The following TTN variants were observed in gnomAD, a reference collection of about 807,000 sequenced individuals.
TTN encodes the protein titin, also known as connectin.
TTN carries 1,525 observed loss-of-function variants against 3,223.0 expected under a neutral mutation model. That is an observed-to-expected ratio of 0.47 (90% CI 0.45 to 0.49). The LOEUF is 0.49. Among genes scored for constraint, TTN ranks in the 20% least tolerant of loss-of-function variants. TTN has a pLI of 0.00. For missense variants in TTN, 40,786 were observed against 43,424.0 expected (o/e 0.94, Z 5.40); for synonymous variants, 14,094 against 15,161.0 (o/e 0.93, Z 5.17).
Position 178,612,558 on chromosome 2 carries a change from C to T in TTN, c.49967G>A (p.Arg16656His), listed in dbSNP as rs373799076. The T allele has an allele frequency of 3.0e-5, 49 of 1,609,470 alleles. No individual in the cohort carries two copies. The highest frequency in any genetic ancestry group is 4.5e-5 in the East Asian group (2 of 44,468). The change falls in exon 266 of 363, where the codon CGC becomes CAC. Residue 16656 changes from arginine (R) to histidine (H), a missense_variant. By Grantham distance (29) the Arg-to-His change is conservative. Transcript: ENST00000589042. ...TGTGATATTAATAACTTCAAGCCAG[C>T]GTGGTGGTGATGGAGGATCTGAAAA... ...REKLYPPSPP[R>H]WLEVINITKN...
intron 273 of TTN, 87 bp downstream of exon 273, chr2:178,609,121 C>T: frequency 7.2e-7 from 1 of 1,387,538 alleles, no homozygotes. Flanking sequence ...AGCTATGTCC[C>T]ATTTCTTTTA....
Position 178,683,280 on chromosome 2 carries a change from T to C in TTN, c.32818A>G (p.Arg10940Gly), listed in dbSNP as rs1334856461. The stretch of plus-strand genomic sequence containing the variant: ...TTTTCTTCTTTAACCACTCTTTTTC[T>C]GAATTCAGTCACTTTAAAGGAGTAA... ...EEPPAKVTEF[R>G]KRVVKEEKVS... The change falls in exon 134 of 363, where the codon AGA (arginine) becomes GGA (glycine). Residue 10940 changes from arginine (R) to glycine (G), a missense_variant. Arg to Gly is a moderately radical substitution (Grantham distance 125). Coordinates refer to ENST00000589042, the MANE Select transcript of TTN (RefSeq NM_001267550.2). 2 of 1,538,788 alleles carry C rather than the reference T, an allele frequency of 1.3e-6. No homozygotes were observed. Among genetic ancestry groups the C allele is most frequent in the Non-Finnish European group, 1.8e-6 (2 of 1,136,774 alleles).
chr2:178,590,557 A>G lies in TTN; in HGVS notation c.61168T>C (p.Leu20390=), dbSNP rs749827412. Residue 20390 remains leucine (L), a synonymous_variant, in exon 304 of 363, where the codon TTG becomes CTG. Transcript: ENST00000589042. ...TCACTGAGAGGCTTTGTCCACACCA[A>G]ATCAGCTGTTTCTCTGCTCTTGTCT... ...LKDKSRETAD[L]VWTKPLSDGG... is the part of the protein sequence containing the mutation. 3 of 1,612,550 alleles carry G rather than the reference A, an allele frequency of 1.9e-6. No individual in the cohort carries two copies. Among genetic ancestry groups the G allele is most frequent in the South Asian group, 1.1e-5 (1 of 90,854 alleles).
intron 47 of TTN, chr2:178,744,979 CAT>C: frequency 1.0e-6 from 1 of 985,170 alleles, no homozygotes; most frequent in African/African-American, 1.7e-5. Context: ...ATAACGAAAA[CAT>C]TTTTAAAAGA....
At position 178,741,439 on chromosome 2, in the gene TTN, G is replaced by A; in HGVS notation, c.11794C>T (p.Leu3932=). 4 of 1,613,838 alleles carry A rather than the reference G, an allele frequency of 2.5e-6. No homozygotes were observed. In the South Asian group the frequency reaches 3.3e-5, roughly 13 times the overall value. The change falls in exon 48 of 363, where the codon CTG becomes TTG. Residue 3932 remains leucine (L), a synonymous_variant. Transcript: ENST00000589042. ...ESAVAKSLEK[L]GGPCPPHFLK... Reference sequence around the variant, plus strand: ...AAGTGAGGAGGACAAGGACCTCCCAGCTTTTCCAGAGATTTTGCCACTGCT... The same window carrying A: ...AAGTGAGGAGGACAAGGACCTCCCAACTTTTCCAGAGATTTTGCCACTGCT...
At position 178,725,784 on chromosome 2, in the gene TTN, A is replaced by G. The variant is rs1409611273; in HGVS notation, c.20538T>C (p.Cys6846=). ...TATATTTACCTTTCAATTTTACAGTACAAACACAAGTATCACTTCCCACTT... is the reference window on the plus strand; with the variant it reads ...TATATTTACCTTTCAATTTTACAGTGCAAACACAAGTATCACTTCCCACTT... The part of the protein sequence containing the change: ...QNEVGSDTCV[C]TVKLKEPPRF... The change falls in exon 70 of 363, where the codon TGT becomes TGC. Residue 6846 remains cysteine (C), a synonymous_variant. Transcript: ENST00000589042. 1.2e-6 allele frequency: 2 copies of G among 1,602,742 alleles called. No individual in the cohort carries two copies. Among genetic ancestry groups the G allele is most frequent in the African/African-American group, 1.3e-5 (1 of 74,596 alleles).
rs72650066 is a variant in TTN at position 178,650,756 on chromosome 2, G to T, written c.39704C>A (p.Pro13235Gln). 23 of 1,602,478 alleles carry T rather than the reference G, an allele frequency of 1.4e-5. No individual in the cohort carries two copies. The highest frequency in any genetic ancestry group is 5.6e-5 in the South Asian group (5 of 88,670). ...PVPERAESPP[P>Q]EVYEEPEEIA... ...ATCACCGGTCTCACGTGTACCTTCT[G>T]GGGGAGGAGACTCCGCTCTTTCTGG... The change falls in exon 209 of 363, where the codon CCA (proline) becomes CAA (glutamine). Residue 13235 changes from proline to glutamine, a missense_variant. Pro to Gln is a moderately conservative substitution (Grantham distance 76, BLOSUM62 -1). Coordinates refer to ENST00000589042, the MANE Select transcript of TTN (RefSeq NM_001267550.2).
intron 87 of TTN, 47 bp from the exon 88 acceptor site, chr2:178,717,429 CACAT>C (rs1211659821): frequency 1.3e-6 from 2 of 1,576,376 alleles, no homozygotes; most frequent in African/African-American, 1.4e-5. Flanking sequence ...TCCATGCTCT[CACAT>C]ACAGAGCAGA....
intron 242 of TTN, among the ~76,000 whole-genome samples, 189 bp downstream of exon 242, chr2:178,624,276 T>C (rs1048583610): frequency 6.6e-6 from 1 of 151,904 alleles, no homozygotes; most frequent in African/African-American, 2.4e-5. Context: ...AGACCAGACA[T>C]AGAATAAGAC....
chr2:178,566,422 A>G lies in TTN; in HGVS notation c.79710T>C (p.Gly26570=). The G allele has an allele frequency of 6.2e-7, 1 of 1,613,424 alleles. No individual in the cohort carries two copies. The highest frequency in any genetic ancestry group is 8.5e-7 in the Non-Finnish European group (1 of 1,179,660). The change falls in exon 326 of 363, where the codon GGT becomes GGC. Residue 26570 remains glycine (G), a synonymous_variant. Transcript: ENST00000589042. ...KIRVCALNKV[G]LGEATSVPGT... ...CAGGAACTGATGTAGCCTCACCTAAACCAACTTTGTTGAGGGCACAGACTC... is the reference window on the plus strand; with the variant it reads ...CAGGAACTGATGTAGCCTCACCTAAGCCAACTTTGTTGAGGGCACAGACTC...
In TTN at chr2:178,537,021, T is replaced by A. The variant is rs774468606; in HGVS notation, c.100088A>T (p.Tyr33363Phe). The A allele has an allele frequency of 8.7e-6, 14 of 1,613,256 alleles. No individual in the cohort carries two copies. Among genetic ancestry groups the A allele is most frequent in the Non-Finnish European group, 1.2e-5 (14 of 1,179,626 alleles). ...AGTGTTCTGAGCTGAAACCCGGAAG[T>A]AATAGCCAGCATTTTCTGTGAGGTT... is the stretch of plus-strand genomic sequence containing the variant. ...IVNLTENAGY[Y>F]FRVSAQNTFG... Residue 33363 changes from tyrosine to phenylalanine, a missense_variant, in exon 356 of 363, where the codon TAC becomes TTC. By Grantham distance (22) the Tyr-to-Phe change is conservative. Transcript: ENST00000589042.
rs1687755639 is a variant in TTN at position 178,528,897 on chromosome 2, T to C, written c.106854A>G (p.Ile35618Met). ...TTAAAACCAGTCTTTGACCTTCGTT[T>C]ATGCTCATCTGAGTAGAAAATGCTT... ...EIKAFSTQMS[I>M]NEGQRLVLKA... The change falls in exon 360 of 363, where the codon ATA becomes ATG. Residue 35618 changes from isoleucine to methionine, a missense_variant. By Grantham distance (10) the Ile-to-Met change is conservative. Coordinates refer to ENST00000589042, the MANE Select transcript of TTN (RefSeq NM_001267550.2). 2 of 1,614,074 alleles carry C rather than the reference T, an allele frequency of 1.2e-6. No homozygotes were observed. Among genetic ancestry groups the C allele is most frequent in the Admixed American group, 3.3e-5 (2 of 60,028 alleles).
chr2:178,769,314 C>T (rs977464583), intron 37 of TTN, among the ~76,000 whole-genome samples: 2 of 151,816 alleles, frequency 1.3e-5, no homozygotes, highest in Non-Finnish European at 1.5e-5. Context: ...AGTGCAGTGC[C>T]GTGATTGTGG....
Position 178,621,681 on chromosome 2 carries a change from A to T in TTN, c.45143T>A (p.Ile15048Lys), listed in dbSNP as rs727505261. ...TTTGGAGACTTCACAAACCAGTTTTATAGTGTCTGTTTCACTAACTTCAAT... is the reference window on the plus strand; with the variant it reads ...TTTGGAGACTTCACAAACCAGTTTTTTAGTGTCTGTTTCACTAACTTCAAT... Reference protein sequence around the residue: ...ANIEVSETDTIKLVCEVSKPG... With the variant: ...ANIEVSETDTKKLVCEVSKPG... The change falls in exon 245 of 363, where the codon ATA (isoleucine) becomes AAA (lysine). Residue 15048 changes from isoleucine to lysine, a missense_variant. Transcript: ENST00000589042. 1 of 1,612,238 alleles carries T rather than the reference A, an allele frequency of 6.2e-7. No individual in the cohort carries two copies. Among genetic ancestry groups the T allele is most frequent in the Non-Finnish European group, 8.5e-7 (1 of 1,179,050 alleles).
intron 155 of TTN, 118 bp downstream of exon 155, chr2:178,671,853 C>T (rs2067046365): frequency 9.1e-7 from 1 of 1,098,626 alleles, no homozygotes; most frequent in Non-Finnish European, 1.3e-6. Flanking sequence ...CTAGTTTAAA[C>T]TCATGTTTAA....
Position 178,680,288 on chromosome 2 carries a change from A to T in TTN, c.33384T>A (p.Pro11128=). ...PKRVVAEEKV[P]VPRKEVAPPV... is the part of the protein sequence containing the mutation. Reference sequence around the variant, plus strand: ...GTGGTGCTACTTCTTTTCTAGGGACAGGTACTTTTTCTTCTGCGACAACCC... The same window carrying T: ...GTGGTGCTACTTCTTTTCTAGGGACTGGTACTTTTTCTTCTGCGACAACCC... The change falls in exon 139 of 363, where the codon CCT becomes CCA. Residue 11128 remains proline (P), a synonymous_variant. Transcript: ENST00000589042. 6.2e-7 allele frequency: 1 copy of T among 1,612,034 alleles called. No individual in the cohort carries two copies. Among genetic ancestry groups the T allele is most frequent in the Non-Finnish European group, 8.5e-7 (1 of 1,179,112 alleles).
rs767274457 is a variant in TTN, at chr2:178,770,459, C to T, written c.8333G>A (p.Gly2778Asp). The change falls in exon 35 of 363, where the codon GGC becomes GAC. Residue 2778 changes from glycine to aspartate, a missense_variant. By Grantham distance (94) the Gly-to-Asp change is moderately conservative. Transcript: ENST00000589042. ...GGCTCCAAGCCTTCCAAGCCTGAAG[C>T]CATAAACAGACTCATCCACGATGGC... is the stretch of plus-strand genomic sequence containing the variant. ...NCAIVDESVYGFRLGRLGASA... is the reference protein window; with the variant it reads ...NCAIVDESVYDFRLGRLGASA... 6.2e-6 allele frequency: 10 copies of T among 1,614,130 alleles called. No homozygotes were observed. The South Asian group carries it at 7.7e-5, about 12-fold the overall frequency.
At chr2:178,735,085 C>T in intron 50 of TTN, 97 bp from the exon 51 acceptor site, 2 of 1,311,106 alleles carry the variant, frequency 1.5e-6, no homozygotes, top group Non-Finnish European at 2.0e-6. Context: ...ACCCAACACA[C>T]ATAAAATATC....
rs931200740 is a variant in TTN, at chr2:178,535,494, G to A, written c.101121C>T (p.Asn33707=). ...KVSDVSRDSV[N]LTWTEPASDG... Reference sequence around the variant, plus strand: ...CAGAGGCTGGCTCAGTCCATGTTAAGTTGACAGAATCTCGTGAGACATCAC... The same window carrying A: ...CAGAGGCTGGCTCAGTCCATGTTAAATTGACAGAATCTCGTGAGACATCAC... The change falls in exon 358 of 363, where the codon AAC becomes AAT. Residue 33707 remains asparagine, a synonymous_variant. Coordinates refer to ENST00000589042, the MANE Select transcript of TTN (RefSeq NM_001267550.2). 5 of 1,613,740 alleles carry A rather than the reference G, an allele frequency of 3.1e-6. No individual in the cohort carries two copies. Among genetic ancestry groups the A allele is most frequent in the Middle Eastern group, 1.6e-4 (1 of 6,080 alleles).
Sources: allele counts gnomAD v4.1 joint callset (sites outside exome capture counted in the v4.1 genomes callset), GRCh38; gene constraint gnomAD v4.1.1; transcripts MANE v1.5; gene names NCBI Gene and HGNC (gene_info 2026-07-23, HGNC 2026-07-21).